CC2D2B: variants seen among roughly 807,000 people sequenced by gnomAD.
CC2D2B encodes the protein protein CC2D2B.
CC2D2B carries 128 observed loss-of-function variants against 161.2 expected under a neutral mutation model. That is an observed-to-expected ratio of 0.79 (90% CI 0.69 to 0.92). The LOEUF is 0.92. CC2D2B is among the 40% of genes least tolerant of loss of function. The probability of loss-of-function intolerance (pLI) is 0.00; values close to 1 mark genes in which losing one functional copy is unlikely to be tolerated. For missense variants in CC2D2B, 1,173 were observed against 1,375.1 expected (o/e 0.85, Z 2.32); for synonymous variants, 391 against 449.8 (o/e 0.87, Z 1.65).
At chr10:95,964,682 G>A (rs1293441433) in intron 12 of CC2D2B, among the ~76,000 whole-genome samples, 1 of 152,088 alleles carries the variant, frequency 6.6e-6, no homozygotes, top group Non-Finnish European at 1.5e-5. Flanking sequence ...CATTAATGGG[G>A]CTGGGTTTTC....
At chr10:95,991,278 G>A (rs1439388971) in intron 20 of CC2D2B, 92 bp from the exon 21 acceptor site, 1 of 373,290 alleles carries the variant, frequency 2.7e-6, no homozygotes, top group Admixed American at 4.7e-5. Context: ...GCAAAAATTA[G>A]GAGTAAAATA....
intron 6 of CC2D2B, among the ~76,000 whole-genome samples, chr10:95,936,544 T>C (rs888149572): frequency 6.6e-6 from 1 of 152,176 alleles, no homozygotes; most frequent in African/African-American, 2.4e-5. Flanking sequence ...TCTAGACTTA[T>C]ATCTTCTGAC....
chr10:95,911,692 T>C (rs540063759), intron 2 of CC2D2B, among the ~76,000 whole-genome samples: 2 of 152,328 alleles, frequency 1.3e-5, no homozygotes, highest in Non-Finnish European at 2.9e-5. Flanking sequence ...AGGAGCAATA[T>C]TTACATGTCT....
intron 33 of CC2D2B, among the ~76,000 whole-genome samples, chr10:96,026,934 T>G (rs1245167939): frequency 6.6e-6 from 1 of 151,954 alleles, no homozygotes. Context: ...ACCAGCCTGG[T>G]CAACATGGTG....
chr10:96,002,260 C>T (rs1225464009), intron 24 of CC2D2B, among the ~76,000 whole-genome samples: 1 of 152,088 alleles, frequency 6.6e-6, no homozygotes, highest in East Asian at 1.9e-4. Flanking sequence ...AAGGCAAAAC[C>T]ATCCAGCTAC....
At chr10:95,977,787 A>G (rs1236650732) in intron 17 of CC2D2B, among the ~76,000 whole-genome samples, 1 of 152,184 alleles carries the variant, frequency 6.6e-6, no homozygotes, top group Non-Finnish European at 1.5e-5. Context: ...GGGATTTATC[A>G]TTGCTATTTA....
chr10:95,927,413 T>TG, intron 6 of CC2D2B, 81 bp downstream of exon 6: 1 of 750,486 alleles, frequency 1.3e-6, no homozygotes, highest in Non-Finnish European at 2.3e-6. Context: ...ATGAAATACT[T>TG]GGACGGGAGA....
intron 19 of CC2D2B, among the ~76,000 whole-genome samples, chr10:95,987,148 C>A (rs1249046105): frequency 2.0e-5 from 3 of 151,726 alleles, no homozygotes; most frequent in African/African-American, 7.3e-5. Flanking sequence ...CATGGTGAGA[C>A]CCTCGTCTCT....
intron 6 of CC2D2B, among the ~76,000 whole-genome samples, chr10:95,937,068 C>T (rs1161359080): frequency 6.6e-6 from 1 of 152,122 alleles, no homozygotes; most frequent in African/African-American, 2.4e-5. Context: ...ATCCTGATTT[C>T]ATGGCAGGGA....
At chr10:95,934,571 A>G (rs2075746034) in intron 6 of CC2D2B, among the ~76,000 whole-genome samples, 1 of 152,198 alleles carries the variant, frequency 6.6e-6, no homozygotes, top group Admixed American at 6.5e-5. Context: ...CCTGGTCTGC[A>G]GGTTGAGAAG....
At chr10:95,938,480 T>C (rs1590451136) in intron 7 of CC2D2B, 89 bp from the exon 8 acceptor site, 2 of 615,426 alleles carry the variant, frequency 3.2e-6, no homozygotes, top group Admixed American at 6.2e-5. Context: ...TAGTAGGGTG[T>C]AATTATAGTT....
At chr10:95,929,869 G>T (rs1472984301) in intron 6 of CC2D2B, among the ~76,000 whole-genome samples, 1 of 152,110 alleles carries the variant, frequency 6.6e-6, no homozygotes, top group Admixed American at 6.5e-5. Flanking sequence ...TATTGTCTTG[G>T]CTATCCAGGC....
In CC2D2B at chr10:96,031,096, T is replaced by C. The variant is rs533878524; in HGVS notation, c.4126-724T>C. Among the ~76,000 whole-genome samples the C allele has an allele frequency of 8.3e-4, 127 of 152,302 alleles. 1 individual carries two copies. Among genetic ancestry groups the C allele is most frequent in the African/African-American group, 3.0e-3 (124 of 41,568 alleles). Reference sequence around the variant, plus strand: ...TAGTAAATGCTATCTATTTTTTTTCTTCTATGTGCCAGGCATTATGCTGGA... The same window carrying C: ...TAGTAAATGCTATCTATTTTTTTTCCTCTATGTGCCAGGCATTATGCTGGA... On this transcript the variant is annotated intron_variant, in intron 34 of 34. Transcript: ENST00000646931.
rs181303817 is a variant in CC2D2B at position 95,974,035 on chromosome 10, G to A, written c.1822G>A (p.Gly608Arg). ...TGTGCCTTTTCTTCTTGAGGGAAAT[G>A]GAACTGAAGAACTCTGTCTTTTGAC... The part of the protein sequence containing the change: ...SNVPFLLEGN[G>R]TEELCLLTSG... The change falls in exon 17 of 35, where the codon GGA (glycine) becomes AGA (arginine). Residue 608 changes from glycine (G) to arginine (R), a missense_variant. Gly to Arg is a moderately radical substitution (Grantham distance 125). Transcript: ENST00000646931. 8 of 1,231,452 alleles carry A rather than the reference G, an allele frequency of 6.5e-6. No homozygotes were observed. The highest frequency in any genetic ancestry group is 4.1e-5 in the South Asian group (1 of 24,308). The allele number at this position is 1,231,452 out of a possible 1,614,324, so 76.3% of individuals were successfully genotyped here. A position where few individuals can be genotyped will look rare whatever the true frequency, so the allele number is the denominator to read the frequency against.
In CC2D2B at chr10:95,970,508, A is replaced by T. The variant is rs533079423; in HGVS notation, c.1645-1558A>T. The stretch of plus-strand genomic sequence containing the variant: ...GACCACTTTTAAGATGCTCAATCTC[A>T]TCGCATCATGGTGTTGACAGTTGTC... On this transcript the variant is annotated intron_variant, in intron 15 of 34. Coordinates refer to ENST00000646931, the MANE Select transcript of CC2D2B (RefSeq NM_001349008.3). Among the ~76,000 whole-genome samples the T allele has an allele frequency of 2.6e-5, 4 of 152,326 alleles. No individual in the cohort carries two copies. In the South Asian group the frequency reaches 8.3e-4, roughly 32 times the overall value.
intron 30 of CC2D2B, among the ~76,000 whole-genome samples, chr10:96,017,107 A>C (rs750225499): frequency 6.6e-6 from 1 of 152,232 alleles, no homozygotes; most frequent in Non-Finnish European, 1.5e-5. Context: ...TCTTATAAGA[A>C]GTGAGCCAGG....
intron 17 of CC2D2B, among the ~76,000 whole-genome samples, chr10:95,977,508 A>C (rs2077362787): frequency 6.6e-6 from 1 of 152,248 alleles, no homozygotes; most frequent in Non-Finnish European, 1.5e-5. Context: ...TAGTTAATGA[A>C]ATTTTTAACA....
chr10:95,935,202 T>G (rs1564596356), intron 6 of CC2D2B, among the ~76,000 whole-genome samples: 1 of 152,260 alleles, frequency 6.6e-6, no homozygotes, highest in Non-Finnish European at 1.5e-5. Context: ...ATCACAGTAG[T>G]AAATGGCAAT....
chr10:95,950,428 A>G (rs2076360373), intron 10 of CC2D2B: 1 of 163,344 alleles, frequency 6.1e-6, no homozygotes, highest in Admixed American at 6.4e-5. Flanking sequence ...TTTAATTAAA[A>G]TATTAGAAAT....
Sources: gnomAD v4.1 joint callset for allele counts (sites outside exome capture counted in the v4.1 genomes callset) on GRCh38, gnomAD v4.1.1 for gene constraint, MANE v1.5 for transcripts, NCBI Gene and HGNC (gene_info 2026-07-23, HGNC 2026-07-21) for gene names.